HELZ: variants seen among roughly 807,000 people sequenced by gnomAD.
HELZ encodes the protein ATP-dependent RNA helicase with zinc finger domain.
Under a neutral mutation model 218.2 loss-of-function variants are expected in HELZ, and 23 were observed. That is an observed-to-expected ratio of 0.11 (90% CI 0.08 to 0.15). HELZ has a LOEUF of 0.15. Among genes scored for constraint, HELZ ranks in the 10% least tolerant of loss-of-function variants. HELZ has a pLI of 1.00. For synonymous variants in HELZ, 814 were observed against 829.4 expected (o/e 0.98, Z 0.32); for missense variants, 1,813 against 2,353.7 (o/e 0.77, Z 4.75).
chr17:67,239,558 A>G (rs1251607486), intron 2 of HELZ, 69 bp from the exon 3 acceptor site: 1 of 152,236 alleles, frequency 6.6e-6, no homozygotes, highest in Non-Finnish European at 1.5e-5. Context: ...TATCAGTTCC[A>G]AAGCATTTGT....
chr17:67,233,398 C>G (rs761068226), intron 3 of HELZ, among the ~76,000 whole-genome samples: 3 of 152,124 alleles, frequency 2.0e-5, no homozygotes, highest in Non-Finnish European at 4.4e-5. Context: ...AAAGTCCTCA[C>G]TCCCCAACAT....
chr17:67,107,685 C>T lies in HELZ; in HGVS notation c.4725G>A (p.Arg1575=). The T allele has an allele frequency of 6.2e-7, 1 of 1,606,594 alleles. No homozygotes were observed. The highest frequency in any genetic ancestry group is 8.5e-7 in the Non-Finnish European group (1 of 1,176,948). Residue 1575 remains arginine (R), a splice_region_variant and synonymous_variant, in exon 31 of 33, where the codon AGG becomes AGA. Transcript: ENST00000358691. ...AEDEVETTYS[R]FQDLIRELSH... ...ACAGTTCTCTGATTAAGTCTTGAAA[C>T]CTACATGAAAACAATAAAATATGAG...
intron 26 of HELZ, 31 bp from the exon 27 acceptor site, chr17:67,120,643 T>G: frequency 1.3e-6 from 2 of 1,513,424 alleles, no homozygotes; most frequent in Non-Finnish European, 1.8e-6. Context: ...ATACATGCAT[T>G]AAGTATATTT....
chr17:67,128,444 A>G (rs1433683661), intron 24 of HELZ: 10 of 574,312 alleles, frequency 1.7e-5, no homozygotes, highest in Non-Finnish European at 2.8e-5. Context: ...ATTGTTTGAG[A>G]ATGATCATAA....
chr17:67,091,468 A>G (rs2036573130), intron 31 of HELZ, among the ~76,000 whole-genome samples: 2 of 152,156 alleles, frequency 1.3e-5, no homozygotes, highest in African/African-American at 4.8e-5. Context: ...AAGAAATTCA[A>G]AGAAGTTTTA....
chr17:67,233,251 G>A (rs2041085709), intron 3 of HELZ, among the ~76,000 whole-genome samples: 1 of 152,256 alleles, frequency 6.6e-6, no homozygotes, highest in African/African-American at 2.4e-5. Context: ...TACTTGGGAA[G>A]CTGAGGTGGG....
chr17:67,102,225 G>C (rs1467518672), intron 31 of HELZ, among the ~76,000 whole-genome samples: 3 of 152,128 alleles, frequency 2.0e-5, no homozygotes, highest in African/African-American at 4.8e-5. Context: ...AGCAATTGGG[G>C]GAAGGGCAGA....
At chr17:67,079,187 C>CATAG (rs1336380053) in intron 32 of HELZ, among the ~76,000 whole-genome samples, 1 of 152,184 alleles carries the variant, frequency 6.6e-6, no homozygotes, top group Non-Finnish European at 1.5e-5. Flanking sequence ...CTCACTAAAC[C>CATAG]ATAGCTTGCT....
chr17:67,225,762 T>G (rs957502702), intron 3 of HELZ, among the ~76,000 whole-genome samples: 2 of 152,176 alleles, frequency 1.3e-5, no homozygotes, highest in African/African-American at 4.8e-5. Context: ...TAACTTACTT[T>G]TTGCCACTTT....
At chr17:67,143,278 T>C (rs1005488240) in intron 21 of HELZ, among the ~76,000 whole-genome samples, 3 of 152,062 alleles carry the variant, frequency 2.0e-5, no homozygotes, top group Non-Finnish European at 4.4e-5. Flanking sequence ...TTATTATCCA[T>C]AGCTCCTCCC....
intron 23 of HELZ, among the ~76,000 whole-genome samples, chr17:67,133,697 T>C (rs548032992): frequency 3.9e-5 from 6 of 152,124 alleles, no homozygotes; most frequent in Non-Finnish European, 8.8e-5. Context: ...GTATTTTTTG[T>C]AGAGACAAGG....
chr17:67,139,925 C>T (rs2038270584), intron 21 of HELZ, among the ~76,000 whole-genome samples: 1 of 152,198 alleles, frequency 6.6e-6, no homozygotes, highest in Non-Finnish European at 1.5e-5. Flanking sequence ...TACCCAACCC[C>T]CATCTCCTGC....
chr17:67,155,732 G>C lies in HELZ; in HGVS notation c.2178-4508C>G, dbSNP rs146254189. Among the ~76,000 whole-genome samples, 4 of 152,022 alleles carry C rather than the reference G, an allele frequency of 2.6e-5. No individual in the cohort carries two copies. In the East Asian group the frequency reaches 7.8e-4, roughly 29 times the overall value. ...TGTGCCTGTAATTCCAGCTACTTGGGAGGCTGAGGCAGGAGAATCGCTTGA... is the reference window on the plus strand; with the variant it reads ...TGTGCCTGTAATTCCAGCTACTTGGCAGGCTGAGGCAGGAGAATCGCTTGA... On this transcript the variant is annotated intron_variant, in intron 17 of 32. Coordinates refer to ENST00000358691, the MANE Select transcript of HELZ (RefSeq NM_014877.4).
chr17:67,109,740 T>C (rs1407745743), intron 28 of HELZ, 54 bp from the exon 29 acceptor site: 1 of 1,383,370 alleles, frequency 7.2e-7, no homozygotes, highest in Non-Finnish European at 1.0e-6. Flanking sequence ...ATTCAGTTGC[T>C]CTCCACCTTT....
chr17:67,180,384 G>A (rs1293030948), intron 12 of HELZ, among the ~76,000 whole-genome samples: 5 of 151,874 alleles, frequency 3.3e-5, no homozygotes, highest in African/African-American at 1.2e-4. Flanking sequence ...TGGATTGATG[G>A]TCTGTTTTTG....
chr17:67,122,030 A>C (rs930113262), intron 26 of HELZ, among the ~76,000 whole-genome samples: 2 of 152,256 alleles, frequency 1.3e-5, no homozygotes, highest in Non-Finnish European at 2.9e-5. Context: ...AAAAGATTAC[A>C]AATTAAATAT....
intron 31 of HELZ, 113 bp from the exon 32 acceptor site, chr17:67,087,194 A>T: frequency 3.1e-6 from 3 of 961,666 alleles, no homozygotes; most frequent in Non-Finnish European, 4.7e-6. Context: ...TCAAGAATAT[A>T]CTGTGACTGT....
Position 67,086,844 on chromosome 17 carries a change from G to T in HELZ, c.5479C>A (p.Pro1827Thr). The T allele has an allele frequency of 6.2e-7, 1 of 1,613,470 alleles. No homozygotes were observed. The highest frequency in any genetic ancestry group is 2.2e-5 in the East Asian group (1 of 44,840). The change falls in exon 32 of 33, where the codon CCC becomes ACC. Residue 1827 changes from proline (P) to threonine (T), a missense_variant. Physicochemically the swap from Pro to Thr is conservative, Grantham distance 38 (BLOSUM62 -1). Transcript: ENST00000358691. ...PCNGSSRTAQ[P>T]RELIAPPKTV... Reference sequence around the variant, plus strand: ...TCTGTCTTACCTATCAACTCTCTGGGCTGAGCTGTCCTGCTGGATCCATTG... The same window carrying T: ...TCTGTCTTACCTATCAACTCTCTGGTCTGAGCTGTCCTGCTGGATCCATTG...
chr17:67,126,665 G>T (rs1263086749), intron 24 of HELZ, among the ~76,000 whole-genome samples: 1 of 149,258 alleles, frequency 6.7e-6, no homozygotes, highest in Admixed American at 6.7e-5. Flanking sequence ...CCTGGCCAAC[G>T]TGATGAAACC....
Sources: gnomAD v4.1 joint callset for allele counts (sites outside exome capture counted in the v4.1 genomes callset) on GRCh38, gnomAD v4.1.1 for gene constraint, MANE v1.5 for transcripts, NCBI Gene and HGNC (gene_info 2026-07-23, HGNC 2026-07-21) for gene names.